Variants in KCNJ16 observed in about 807,000 individuals in gnomAD.
KCNJ16 encodes the protein inward rectifier potassium channel 16.
KCNJ16 carries 15 observed loss-of-function variants against 18.5 expected under a neutral mutation model. The observed-to-expected ratio is 0.81, with a 90% CI of 0.54 to 1.25. The LOEUF (loss-of-function observed/expected upper bound fraction) is 1.25, where lower values mean the gene tolerates loss of function less well. Ranked by LOEUF, KCNJ16 falls within the 50% of genes most tolerant of loss-of-function variation. KCNJ16 has a pLI of 0.00. For missense variants in KCNJ16, 523 were observed against 525.7 expected (o/e 0.99, Z 0.05); for synonymous variants, 174 against 186.5 (o/e 0.93, Z 0.55).
At chr17:70,106,795 TG>T (rs928478364) in intron 2 of KCNJ16, among the ~76,000 whole-genome samples, 4 of 152,150 alleles carry the variant, frequency 2.6e-5, no homozygotes, top group Admixed American at 6.6e-5. Context: ...GAAGGTATGT[TG>T]GGATGGGCTG....
chr17:70,078,175 T>C (rs1406840716), intron 1 of KCNJ16, among the ~76,000 whole-genome samples: 3 of 152,164 alleles, frequency 2.0e-5, no homozygotes, highest in Non-Finnish European at 2.9e-5. Flanking sequence ...ATGCAAAACA[T>C]AACATTCTAA....
At chr17:70,127,750 C>T (rs1567805830) in intron 2 of KCNJ16, among the ~76,000 whole-genome samples, 1 of 152,158 alleles carries the variant, frequency 6.6e-6, no homozygotes, top group Non-Finnish European at 1.5e-5. Context: ...TCCACCAAAA[C>T]TTATCTCATC....
intron 1 of KCNJ16, among the ~76,000 whole-genome samples, chr17:70,091,488 G>A (rs780114292): frequency 3.9e-5 from 6 of 152,068 alleles, no homozygotes; most frequent in Non-Finnish European, 7.4e-5. Context: ...TTAGGCTTAG[G>A]AATGATAAAT....
At chr17:70,091,225 GACCATCA>G (rs2072075474) in intron 1 of KCNJ16, among the ~76,000 whole-genome samples, 1 of 152,036 alleles carries the variant, frequency 6.6e-6, no homozygotes, top group African/African-American at 2.4e-5. Flanking sequence ...CTACTCATTT[GACCATCA>G]TCTGTCACCA....
At chr17:70,078,350 C>T (rs569111069) in intron 1 of KCNJ16, among the ~76,000 whole-genome samples, 447 of 41,086 alleles carry the variant, frequency 0.011, 4 homozygotes, top group South Asian at 0.078. Flanking sequence ...CCAACAACTC[C>T]GCATAAAAAA....
At chr17:70,094,392 A>T (rs1300655258) in intron 1 of KCNJ16, among the ~76,000 whole-genome samples, 2 of 152,322 alleles carry the variant, frequency 1.3e-5, no homozygotes, top group African/African-American at 4.8e-5. Flanking sequence ...GGGAATATCA[A>T]TTGTATCTTT....
chr17:70,092,542 A>AGATAGAT (rs1567782489), intron 1 of KCNJ16, among the ~76,000 whole-genome samples: 3 of 19,030 alleles, frequency 1.6e-4, no homozygotes, highest in East Asian at 1.5e-3. Context: ...AGATAGATAT[A>AGATAGAT]GATAGATATA....
At chr17:70,081,630 T>C (rs2071556757) in intron 1 of KCNJ16, among the ~76,000 whole-genome samples, 1 of 152,198 alleles carries the variant, frequency 6.6e-6, no homozygotes, top group South Asian at 2.1e-4. Flanking sequence ...TCCCTGTTTT[T>C]GCTGTTGCAA....
At chr17:70,079,691 TTTTTA>T (rs1186517750) in intron 1 of KCNJ16, among the ~76,000 whole-genome samples, 1 of 152,100 alleles carries the variant, frequency 6.6e-6, no homozygotes, top group Non-Finnish European at 1.5e-5. Flanking sequence ...TAGTACAGCA[TTTTTA>T]TTTTATTATT....
chr17:70,130,193 ACAG>A (rs2074007851), intron 2 of KCNJ16, among the ~76,000 whole-genome samples: 1 of 152,174 alleles, frequency 6.6e-6, no homozygotes, highest in Non-Finnish European at 1.5e-5. Flanking sequence ...TGAGAATCCT[ACAG>A]CAGCTTCTTC....
chr17:70,104,708 T>C (rs755465903), intron 2 of KCNJ16: 1 of 152,274 alleles, frequency 6.6e-6, no homozygotes, highest in Non-Finnish European at 1.5e-5. Flanking sequence ...CTTCCAGAGG[T>C]TTGATCAGAA....
chr17:70,093,435 C>A (rs1245662734), intron 1 of KCNJ16, among the ~76,000 whole-genome samples: 1 of 152,104 alleles, frequency 6.6e-6, no homozygotes, highest in African/African-American at 2.4e-5. Flanking sequence ...TGTCTGTGTC[C>A]AGATCTCCTG....
chr17:70,122,190 T>TG (rs1457348537), intron 2 of KCNJ16, among the ~76,000 whole-genome samples: 1 of 148,696 alleles, frequency 6.7e-6, no homozygotes, highest in Non-Finnish European at 1.5e-5. Context: ...TTTTTTTTTT[T>TG]GAGAAGGAGT....
intron 1 of KCNJ16, among the ~76,000 whole-genome samples, chr17:70,091,934 T>C (rs1161388902): frequency 1.3e-5 from 2 of 152,104 alleles, no homozygotes; most frequent in African/African-American, 4.8e-5. Context: ...CTGTAATTTA[T>C]TGGGTTGGAG....
At chr17:70,107,811 A>C (rs889011966) in intron 2 of KCNJ16, among the ~76,000 whole-genome samples, 1 of 152,128 alleles carries the variant, frequency 6.6e-6, no homozygotes, top group Non-Finnish European at 1.5e-5. Flanking sequence ...TTGGAGTGCT[A>C]TTTACCAGTT....
intron 2 of KCNJ16, among the ~76,000 whole-genome samples, chr17:70,110,760 C>T (rs2073151472): frequency 6.6e-6 from 1 of 152,144 alleles, no homozygotes; most frequent in Non-Finnish European, 1.5e-5. Context: ...CCAGTCTACC[C>T]ACTGGCCACG....
rs2074140591 is a variant in KCNJ16, at chr17:70,133,534, G to T, written c.*190G>T. ...GTTCTCAGTTATTAAAATTTTTCTT[G>T]TTCGCCAATTTTGTATTAAGAATGC... is the stretch of plus-strand genomic sequence containing the variant. On this transcript the variant is annotated 3_prime_UTR_variant, in exon 4 of 4. Transcript: ENST00000392671. 1.9e-6 allele frequency: 1 copy of T among 531,696 alleles called. No homozygotes were observed. The highest frequency in any genetic ancestry group is 3.3e-6 in the Non-Finnish European group (1 of 301,134). 32.9% of individuals were successfully genotyped at this position (531,696 alleles called of 1,614,324 possible). A position where few individuals can be genotyped will look rare whatever the true frequency, so the allele number is the denominator to read the frequency against.
At chr17:70,129,594 A>G (rs2144262145) in intron 2 of KCNJ16, among the ~76,000 whole-genome samples, 1 of 152,364 alleles carries the variant, frequency 6.6e-6, no homozygotes, top group African/African-American at 2.4e-5. Flanking sequence ...GGATGAGTGT[A>G]TAGACCTAAA....
At chr17:70,129,744 A>G (rs2073991256) in intron 2 of KCNJ16, among the ~76,000 whole-genome samples, 2 of 152,132 alleles carry the variant, frequency 1.3e-5, no homozygotes, top group African/African-American at 4.8e-5. Context: ...TCAACAATAC[A>G]TTTTCCACAC....
Sources: allele counts gnomAD v4.1 joint callset (sites outside exome capture counted in the v4.1 genomes callset), GRCh38; gene constraint gnomAD v4.1.1; transcripts MANE v1.5; gene names NCBI Gene and HGNC (gene_info 2026-07-23, HGNC 2026-07-21).